FMN2: variants seen among roughly 807,000 people sequenced by gnomAD.
The protein encoded by FMN2 is formin-2.
A neutral mutation model predicts 142.3 loss-of-function variants in FMN2; 51 were observed. The ratio of observed to expected loss-of-function variants is 0.36; its 90% CI spans 0.29 to 0.45. FMN2 has a LOEUF of 0.45. Among genes scored for constraint, FMN2 ranks in the 20% least tolerant of loss-of-function variants. The pLI, the probability that FMN2 is intolerant of heterozygous loss-of-function variation, is 1.00. For synonymous variants in FMN2, 882 were observed against 869.8 expected (o/e 1.01, Z -0.25); for missense variants, 1,936 against 2,122.8 (o/e 0.91, Z 1.73).
intron 1 of FMN2, among the ~76,000 whole-genome samples, chr1:240,113,557 CAAA>C (rs34741987): frequency 1.1e-5 from 1 of 88,494 alleles, no homozygotes. Flanking sequence ...GACTCCGTCT[CAAA>C]AAAAAAAAAA....
At chr1:240,177,274 T>C (rs1664955814) in intron 2 of FMN2, among the ~76,000 whole-genome samples, 1 of 152,154 alleles carries the variant, frequency 6.6e-6, no homozygotes, top group South Asian at 2.1e-4. Context: ...GCCCTAGGTA[T>C]AGTACTAGCT....
chr1:240,212,098 C>G (rs1666712829), intron 6 of FMN2, among the ~76,000 whole-genome samples: 1 of 152,150 alleles, frequency 6.6e-6, no homozygotes, highest in South Asian at 2.1e-4. Context: ...AAAAATGAGG[C>G]TGATATCCCC....
At chr1:240,112,346 G>C (rs1422582086) in intron 1 of FMN2, among the ~76,000 whole-genome samples, 1 of 151,968 alleles carries the variant, frequency 6.6e-6, no homozygotes, top group Admixed American at 6.5e-5. Context: ...TGGCCAGGTT[G>C]GTCTCGATCT....
intron 13 of FMN2, among the ~76,000 whole-genome samples, chr1:240,351,358 C>T (rs1205512584): frequency 1.3e-5 from 2 of 152,062 alleles, no homozygotes; most frequent in African/African-American, 2.4e-5. Context: ...TTGAAACACC[C>T]AGACACTGGA....
chr1:240,102,641 A>C (rs903617820), intron 1 of FMN2, among the ~76,000 whole-genome samples: 1 of 152,086 alleles, frequency 6.6e-6, no homozygotes, highest in Non-Finnish European at 1.5e-5. Context: ...TTGGGGATAT[A>C]AAATGTGTGG....
chr1:240,390,314 TATTAGGTTTGGTAAGAAGC>T (rs1180754276), intron 14 of FMN2, among the ~76,000 whole-genome samples: 1 of 152,226 alleles, frequency 6.6e-6, no homozygotes, highest in Non-Finnish European at 1.5e-5. Context: ...GTGATATGGC[TATTAGGTTTGGTAAGAAGC>T]TTTGGTTTTA....
At chr1:240,321,672 A>T (rs138145568) in intron 8 of FMN2, among the ~76,000 whole-genome samples, 2 of 152,236 alleles carry the variant, frequency 1.3e-5, no homozygotes, top group African/African-American at 4.8e-5. Context: ...ACCTATCTGT[A>T]TGAAGCTAGA....
In FMN2 at chr1:240,199,069, G is replaced by C. The variant is rs186094713; in HGVS notation, c.1987-7730G>C. 1.3e-4 allele frequency among the ~76,000 whole-genome samples: 20 copies of C among 152,074 alleles called. 3 individuals carry two copies. Among genetic ancestry groups the C allele is most frequent in the Middle Eastern group, 3.4e-3 (1 of 294 alleles). ...GCAATGAGCCGAGACCGTGCCATTG[G>C]ACTCCAGCCTGGGTGACAGAGGGAG... On this transcript the variant is annotated intron_variant, in intron 4 of 17. Coordinates refer to ENST00000319653, the MANE Select transcript of FMN2 (RefSeq NM_020066.5).
chr1:240,443,255 G>A (rs151144651), intron 16 of FMN2, among the ~76,000 whole-genome samples: 3 of 152,310 alleles, frequency 2.0e-5, no homozygotes, highest in Non-Finnish European at 4.4e-5. Flanking sequence ...TACACTAGGT[G>A]ATACAATAGA....
intron 15 of FMN2, among the ~76,000 whole-genome samples, chr1:240,426,758 T>C (rs1003277117): frequency 2.6e-5 from 4 of 152,190 alleles, no homozygotes; most frequent in Non-Finnish European, 2.9e-5. Context: ...ATTTTTAAGA[T>C]GCAGTCTTGC....
intron 8 of FMN2, among the ~76,000 whole-genome samples, chr1:240,326,143 G>A (rs1475125499): frequency 6.6e-6 from 1 of 152,176 alleles, no homozygotes; most frequent in African/African-American, 2.4e-5. Flanking sequence ...ATGTGTATAT[G>A]AGAGTGAGAG....
chr1:240,188,909 T>C (rs1480183955), intron 4 of FMN2, among the ~76,000 whole-genome samples: 1 of 152,114 alleles, frequency 6.6e-6, no homozygotes, highest in Admixed American at 6.6e-5. Flanking sequence ...AAAAAGAGCT[T>C]GTGCAGAGAA....
At chr1:240,434,035 A>G (rs1015572066) in intron 15 of FMN2, among the ~76,000 whole-genome samples, 5 of 152,214 alleles carry the variant, frequency 3.3e-5, no homozygotes, top group Admixed American at 3.3e-4. Flanking sequence ...TGTACTGTCT[A>G]ATGTTTGTAA....
At chr1:240,148,967 G>A (rs1663642937) in intron 2 of FMN2, among the ~76,000 whole-genome samples, 2 of 84,180 alleles carry the variant, frequency 2.4e-5, no homozygotes, top group Admixed American at 2.4e-4. Flanking sequence ...GCGAGACTCC[G>A]TCTCAAAAAA....
intron 6 of FMN2, among the ~76,000 whole-genome samples, chr1:240,213,043 CTGTT>C (rs1436044242): frequency 6.6e-6 from 1 of 152,172 alleles, no homozygotes; most frequent in Non-Finnish European, 1.5e-5. Flanking sequence ...ATTTCATTCT[CTGTT>C]TGACATAGTA....
rs142700570 is a variant in FMN2, at chr1:240,142,475, A to ATATTTATT, written c.1782+19146_1782+19153dup. ...TAGGACAAGTGGAGAAAACCTTTTC[A>ATATTTATT]TATTTATTTATTTATTTATTTATAT... On this transcript the variant is annotated intron_variant, in intron 2 of 17. Transcript: ENST00000319653. Among the ~76,000 whole-genome samples the ATATTTATT allele has an allele frequency of 3.2e-3, 470 of 146,236 alleles. 6 individuals carry two copies. Among genetic ancestry groups the ATATTTATT allele is most frequent in the African/African-American group, 0.01 (412 of 39,652 alleles).
chr1:240,264,520 A>G (rs1025069767), intron 7 of FMN2, among the ~76,000 whole-genome samples: 1 of 151,972 alleles, frequency 6.6e-6, no homozygotes, highest in East Asian at 1.9e-4. Context: ...TCCTAATACT[A>G]TCCCTCCCTT....
intron 15 of FMN2, among the ~76,000 whole-genome samples, chr1:240,435,199 A>G (rs956923800): frequency 6.6e-6 from 1 of 151,920 alleles, no homozygotes; most frequent in Non-Finnish European, 1.5e-5. Flanking sequence ...ATAACTTGCA[A>G]GGTACTTTTA....
intron 6 of FMN2, among the ~76,000 whole-genome samples, chr1:240,214,683 C>G (rs1383811236): frequency 6.6e-6 from 1 of 152,170 alleles, no homozygotes; most frequent in Non-Finnish European, 1.5e-5. Flanking sequence ...AGTCCAATCT[C>G]CTCCCTAATT....
Sources: gnomAD v4.1 joint callset for allele counts (sites outside exome capture counted in the v4.1 genomes callset) on GRCh38, gnomAD v4.1.1 for gene constraint, MANE v1.5 for transcripts, NCBI Gene and HGNC (gene_info 2026-07-23, HGNC 2026-07-21) for gene names.